Variants in BICRA observed in about 807,000 individuals in gnomAD.
BICRA encodes the protein BRD4 interacting chromatin remodeling complex associated protein.
Under a neutral mutation model 96.9 loss-of-function variants are expected in BICRA, and 31 were observed. The ratio of observed to expected loss-of-function variants is 0.32; its 90% CI spans 0.24 to 0.43. The LOEUF is 0.43. BICRA is among the 20% of genes least tolerant of loss of function. The pLI is 1.00. For synonymous variants in BICRA, 1,350 were observed against 1,071.8 expected (o/e 1.26, Z -5.07); for missense variants, 2,283 against 2,190.3 (o/e 1.04, Z -0.84).
At chr19:47,688,014 C>T (rs1354727776) in intron 7 of BICRA, among the ~76,000 whole-genome samples, 2 of 152,056 alleles carry the variant, frequency 1.3e-5, no homozygotes, top group African/African-American at 2.4e-5. Context: ...TACTGACACA[C>T]GAGATTAGCA....
At chr19:47,609,067 G>T (rs957438454), upstream of BICRA, 1 of 147,740 alleles carries the variant, frequency 6.8e-6, no homozygotes, top group African/African-American at 2.4e-5. Context: ...ATCAGGCAGT[G>T]CGCTGACCGG....
At chr19:47,630,145 T>C (rs112055624) in intron 1 of BICRA, among the ~76,000 whole-genome samples, 14 of 149,934 alleles carry the variant, frequency 9.3e-5, no homozygotes, top group African/African-American at 3.4e-4. Flanking sequence ...CTACTCTCTA[T>C]ATATTGGCCA....
At chr19:47,696,908 G>A (rs1025421640) in intron 11 of BICRA, among the ~76,000 whole-genome samples, 1 of 151,982 alleles carries the variant, frequency 6.6e-6, no homozygotes, top group Non-Finnish European at 1.5e-5. Flanking sequence ...GGTGTTTGGG[G>A]ATGGATGGAT....
At chr19:47,678,879 CT>C (rs1195002520) in intron 5 of BICRA, 46 of 179,220 alleles carry the variant, frequency 2.6e-4, no homozygotes, top group Non-Finnish European at 3.7e-4. Flanking sequence ...GTTCTTTTTT[CT>C]TTTTTTTTTC....
At position 47,702,386 on chromosome 19, in the gene BICRA, G is replaced by A. The variant is rs879821491; in HGVS notation, c.4654G>A (p.Gly1552Ser). ...EAYPPSSHNG[G>S]LGARTLTR ...CTACCCACCCTCCAGTCACAACGGT[G>A]GCCTCGGCGCCAGGACGTTGACCAG... The change falls in exon 15 of 15, where the codon GGC becomes AGC. Residue 1552 changes from glycine to serine, a missense_variant. Coordinates refer to ENST00000594866, the MANE Select transcript of BICRA (RefSeq NM_001394372.1). The A allele has an allele frequency of 2.0e-5, 31 of 1,517,670 alleles. No homozygotes were observed. The highest frequency in any genetic ancestry group is 2.7e-5 in the Non-Finnish European group (31 of 1,145,472). 94.0% of individuals were successfully genotyped at this position (1,517,670 alleles called of 1,614,324 possible).
At chr19:47,651,226 G>C (rs1972535758) in intron 1 of BICRA, among the ~76,000 whole-genome samples, 3 of 152,016 alleles carry the variant, frequency 2.0e-5, no homozygotes, top group Non-Finnish European at 4.4e-5. Flanking sequence ...CTCAGCCCTG[G>C]GCTCACCTGG....
chr19:47,625,317 G>C (rs1357204904), intron 1 of BICRA, among the ~76,000 whole-genome samples: 1 of 133,686 alleles, frequency 7.5e-6, no homozygotes, highest in African/African-American at 2.8e-5. Context: ...TTTTTTTTAA[G>C]AGACAGGGTC....
chr19:47,683,166 C>T (rs1407521819), intron 7 of BICRA, among the ~76,000 whole-genome samples: 2 of 152,164 alleles, frequency 1.3e-5, no homozygotes, highest in African/African-American at 4.8e-5. Context: ...TTTGCTGGCT[C>T]TAAAGGCATA....
At chr19:47,642,427 G>A (rs980568410) in intron 1 of BICRA, among the ~76,000 whole-genome samples, 6 of 152,170 alleles carry the variant, frequency 3.9e-5, no homozygotes, top group African/African-American at 1.2e-4. Context: ...CCACCTGGGC[G>A]CAGTGGCTCA....
intron 1 of BICRA, among the ~76,000 whole-genome samples, chr19:47,639,136 T>C (rs565156648): frequency 1.3e-5 from 2 of 151,900 alleles, no homozygotes; most frequent in East Asian, 3.9e-4. Context: ...CCTGAGTAGC[T>C]GGGACTACAG....
chr19:47,693,981 C>T, intron 7 of BICRA, 134 bp from the exon 8 acceptor site: 1 of 1,081,660 alleles, frequency 9.2e-7, no homozygotes, highest in South Asian at 1.7e-5. Flanking sequence ...TGGTGGGCTC[C>T]TCTCTCAGGA....
chr19:47,624,832 C>T (rs557369079), intron 1 of BICRA, among the ~76,000 whole-genome samples: 48 of 151,858 alleles, frequency 3.2e-4, no homozygotes, highest in African/African-American at 1.0e-3. Flanking sequence ...TAGTTGGGAC[C>T]GCAGGCATGT....
At chr19:47,641,092 T>TG (rs1972379286) in intron 1 of BICRA, among the ~76,000 whole-genome samples, 8 of 137,438 alleles carry the variant, frequency 5.8e-5, no homozygotes, top group Admixed American at 3.7e-4. Flanking sequence ...TTTTTTTTTT[T>TG]TGTATTTTTA....
intron 2 of BICRA, among the ~76,000 whole-genome samples, chr19:47,671,893 GTAGA>G (rs757326540): frequency 2.7e-4 from 38 of 138,352 alleles, no homozygotes; most frequent in Non-Finnish European, 5.4e-4. Context: ...GGATGGGTAG[GTAGA>G]TGGATGGAGA....
chr19:47,695,944 C>T (rs1973334413), intron 10 of BICRA, among the ~76,000 whole-genome samples: 1 of 151,800 alleles, frequency 6.6e-6, no homozygotes, highest in Non-Finnish European at 1.5e-5. Context: ...AGACAGAAGA[C>T]AAGGAGAGGA....
At chr19:47,678,298 T>C (rs544732958) in intron 5 of BICRA, among the ~76,000 whole-genome samples, 1 of 152,214 alleles carries the variant, frequency 6.6e-6, no homozygotes, top group African/African-American at 2.4e-5. Flanking sequence ...GTATTTTTAG[T>C]AGAGATGGTG....
At chr19:47,692,183 T>C (rs572479525) in intron 7 of BICRA, among the ~76,000 whole-genome samples, 1 of 152,274 alleles carries the variant, frequency 6.6e-6, no homozygotes, top group South Asian at 2.1e-4. Context: ...TTTTCCTCTA[T>C]TGTAAATGCT....
At chr19:47,667,032 T>G (rs1232984873) in intron 1 of BICRA, among the ~76,000 whole-genome samples, 1 of 151,636 alleles carries the variant, frequency 6.6e-6, no homozygotes, top group African/African-American at 2.4e-5. Flanking sequence ...CTTTTTTTTT[T>G]TTTTGAGACG....
intron 1 of BICRA, among the ~76,000 whole-genome samples, chr19:47,646,376 T>G (rs1972459249): frequency 6.6e-6 from 1 of 151,996 alleles, no homozygotes; most frequent in Admixed American, 6.6e-5. Flanking sequence ...CCCTCGTGAG[T>G]TTGGAGTGGA....
Sources: allele counts gnomAD v4.1 joint callset (sites outside exome capture counted in the v4.1 genomes callset), GRCh38; gene constraint gnomAD v4.1.1; transcripts MANE v1.5; gene names NCBI Gene and HGNC (gene_info 2026-07-23, HGNC 2026-07-21).